The following TMEM132D variants were observed in gnomAD, a reference collection of about 807,000 sequenced individuals.
The protein encoded by TMEM132D is transmembrane protein 132D.
Under a neutral mutation model 62.3 loss-of-function variants are expected in TMEM132D, and 21 were observed. The observed-to-expected ratio is 0.34, with a 90% CI of 0.24 to 0.49. The LOEUF (loss-of-function observed/expected upper bound fraction) is 0.49, where lower values mean the gene tolerates loss of function less well. Ranked by LOEUF, TMEM132D falls within the 20% of genes least tolerant of loss-of-function variation. The pLI, the probability that TMEM132D is intolerant of heterozygous loss-of-function variation, is 0.99. For synonymous variants in TMEM132D, 621 were observed against 575.6 expected (o/e 1.08, Z -1.13); for missense variants, 1,346 against 1,402.8 (o/e 0.96, Z 0.65).
At chr12:129,749,463 C>CT (rs67597510) in intron 1 of TMEM132D, among the ~76,000 whole-genome samples, 34,590 of 143,010 alleles carry the variant, frequency 0.24, 4,777 homozygotes, top group East Asian at 0.36. Flanking sequence ...TGAAAAGAAT[C>CT]TTTTTTTTTT....
At chr12:129,844,032 T>C (rs967685763) in intron 1 of TMEM132D, among the ~76,000 whole-genome samples, 1 of 151,918 alleles carries the variant, frequency 6.6e-6, no homozygotes, top group African/African-American at 2.4e-5. Context: ...GCCCAGGAGG[T>C]CAAGACTGCA....
At chr12:129,422,296 A>G (rs1322255675) in intron 3 of TMEM132D, among the ~76,000 whole-genome samples, 2 of 152,194 alleles carry the variant, frequency 1.3e-5, no homozygotes, top group Admixed American at 6.5e-5. Context: ...TTATTGCTGT[A>G]TCAATGTCAC....
At chr12:129,496,580 G>A (rs763015919) in intron 3 of TMEM132D, among the ~76,000 whole-genome samples, 11 of 152,060 alleles carry the variant, frequency 7.2e-5, no homozygotes, top group Non-Finnish European at 1.5e-4. Flanking sequence ...TAATAGGCAA[G>A]TGGACACAAG....
chr12:129,199,859 C>A (rs180986890), intron 5 of TMEM132D, among the ~76,000 whole-genome samples: 46 of 152,158 alleles, frequency 3.0e-4, no homozygotes, highest in African/African-American at 1.1e-3. Flanking sequence ...CTGGGTCCCT[C>A]GCATGACACA....
At chr12:129,344,380 C>A (rs1869613885) in intron 3 of TMEM132D, among the ~76,000 whole-genome samples, 1 of 152,140 alleles carries the variant, frequency 6.6e-6, no homozygotes, top group Non-Finnish European at 1.5e-5. Flanking sequence ...GGCCCCCGCC[C>A]CAAAGGAAAA....
At chr12:129,287,807 C>T (rs1036077980) in intron 4 of TMEM132D, among the ~76,000 whole-genome samples, 3 of 152,142 alleles carry the variant, frequency 2.0e-5, no homozygotes, top group African/African-American at 4.8e-5. Context: ...AGAGACTATC[C>T]GTTTCCCACT....
chr12:129,737,678 A>G (rs1455835298), intron 1 of TMEM132D, among the ~76,000 whole-genome samples: 1 of 152,228 alleles, frequency 6.6e-6, no homozygotes, highest in Non-Finnish European at 1.5e-5. Context: ...TGGCCCCTAT[A>G]AAATTTGAAT....
At chr12:129,459,961 C>T (rs1873605919) in intron 3 of TMEM132D, among the ~76,000 whole-genome samples, 1 of 152,192 alleles carries the variant, frequency 6.6e-6, no homozygotes. Flanking sequence ...TAGGGACTTA[C>T]TTGCTTCCAA....
At chr12:129,168,198 T>G (rs1448450868) in intron 5 of TMEM132D, among the ~76,000 whole-genome samples, 2 of 152,300 alleles carry the variant, frequency 1.3e-5, no homozygotes, top group East Asian at 3.9e-4. Flanking sequence ...TTAACTATGG[T>G]TTCCACTAAG....
intron 3 of TMEM132D, among the ~76,000 whole-genome samples, chr12:129,525,083 A>G (rs1340141136): frequency 4.0e-5 from 6 of 148,948 alleles, no homozygotes; most frequent in East Asian, 2.0e-4. Context: ...CCGCCACCAC[A>G]CTCAGCTAAT....
intron 1 of TMEM132D, among the ~76,000 whole-genome samples, chr12:129,820,068 C>T (rs1872501783): frequency 6.6e-6 from 1 of 152,172 alleles, no homozygotes; most frequent in Admixed American, 6.5e-5. Flanking sequence ...TCACCTGGCA[C>T]TCTTTTTTGT....
At chr12:129,490,264 T>C (rs1241731274) in intron 3 of TMEM132D, among the ~76,000 whole-genome samples, 2 of 152,108 alleles carry the variant, frequency 1.3e-5, no homozygotes, top group Non-Finnish European at 2.9e-5. Flanking sequence ...TCCATCTCAG[T>C]GCACTCAATA....
At chr12:129,768,868 G>A (rs1296551749) in intron 1 of TMEM132D, among the ~76,000 whole-genome samples, 15 of 152,312 alleles carry the variant, frequency 9.8e-5, no homozygotes, top group Admixed American at 7.2e-4. Flanking sequence ...CAGATATATC[G>A]TGGATTTTCA....
At chr12:129,770,631 A>G (rs1168191000) in intron 1 of TMEM132D, among the ~76,000 whole-genome samples, 3 of 152,184 alleles carry the variant, frequency 2.0e-5, no homozygotes, top group African/African-American at 7.2e-5. Context: ...GGAAAATATC[A>G]GAAGTCAGAA....
At chr12:129,096,277 C>T (rs532729427) in intron 5 of TMEM132D, among the ~76,000 whole-genome samples, 2 of 152,232 alleles carry the variant, frequency 1.3e-5, no homozygotes, top group East Asian at 1.9e-4. Flanking sequence ...GGTCCCGAGT[C>T]GGCCGTCATA....
intron 5 of TMEM132D, among the ~76,000 whole-genome samples, chr12:129,158,418 CTTGAGT>C (rs1206729008): frequency 3.8e-5 from 4 of 104,532 alleles, no homozygotes; most frequent in Non-Finnish European, 6.8e-5. Context: ...TTTTAGACAT[CTTGAGT>C]TTAAGTTATC....
chr12:129,206,315 A>AT (rs1368132910), intron 5 of TMEM132D, among the ~76,000 whole-genome samples: 1 of 152,248 alleles, frequency 6.6e-6, no homozygotes, highest in Non-Finnish European at 1.5e-5. Context: ...ATTTTTCAAA[A>AT]GAAGACATAT....
chr12:129,740,769 T>C (rs1318443011), intron 1 of TMEM132D, among the ~76,000 whole-genome samples: 1 of 152,158 alleles, frequency 6.6e-6, no homozygotes, highest in Non-Finnish European at 1.5e-5. Context: ...ACCAATCCAG[T>C]TCCTTAAAAA....
intron 3 of TMEM132D, among the ~76,000 whole-genome samples, chr12:129,413,939 A>T (rs138602736): frequency 4.3e-4 from 65 of 152,382 alleles, no homozygotes; most frequent in African/African-American, 1.5e-3. Context: ...CACACAATTA[A>T]ATGAAATTAA....
Sources: allele counts gnomAD v4.1 joint callset (sites outside exome capture counted in the v4.1 genomes callset), GRCh38; gene constraint gnomAD v4.1.1; transcripts MANE v1.5; gene names NCBI Gene and HGNC (gene_info 2026-07-23, HGNC 2026-07-21).